The following FGF12 variants were observed in gnomAD, a reference collection of about 807,000 sequenced individuals.
The protein encoded by FGF12 is fibroblast growth factor 12.
In FGF12, 14 loss-of-function variants were observed where a neutral mutation model predicts 23.6. The observed-to-expected ratio is 0.59, with a 90% CI of 0.39 to 0.93. The LOEUF is 0.93. Among genes scored for constraint, FGF12 ranks in the 40% least tolerant of loss-of-function variants. FGF12 has a pLI of 0.00. For synonymous variants in FGF12, 62 were observed against 77.3 expected (o/e 0.80, Z 1.04); for missense variants, 175 against 217.8 (o/e 0.80, Z 1.24).
chr3:192,158,412 T>TC (rs1491329951), intron 5 of FGF12, among the ~76,000 whole-genome samples: 233 of 4,870 alleles, frequency 0.048, 2 homozygotes, highest in African/African-American at 0.25. Flanking sequence ...TTTTTCTTTC[T>TC]TTCTCTTTCT....
intron 2 of FGF12, among the ~76,000 whole-genome samples, chr3:192,473,782 G>A (rs913718311): frequency 3.3e-5 from 5 of 152,202 alleles, no homozygotes; most frequent in African/African-American, 1.2e-4. Context: ...CAAAAGAACG[G>A]TGAGCAGACA....
At chr3:192,617,599 C>T (rs1463246209) in intron 2 of FGF12, among the ~76,000 whole-genome samples, 2 of 152,116 alleles carry the variant, frequency 1.3e-5, no homozygotes, top group African/African-American at 4.8e-5. Flanking sequence ...CAATCCCTCT[C>T]AAACTTACAT....
At chr3:192,685,344 C>T (rs1275993601) in intron 2 of FGF12, among the ~76,000 whole-genome samples, 1 of 152,206 alleles carries the variant, frequency 6.6e-6, no homozygotes, top group East Asian at 1.9e-4. Flanking sequence ...AGCCACTGTG[C>T]CTGGCCTACA....
At chr3:192,643,130 A>C (rs1715867543) in intron 2 of FGF12, among the ~76,000 whole-genome samples, 1 of 152,216 alleles carries the variant, frequency 6.6e-6, no homozygotes, top group Non-Finnish European at 1.5e-5. Context: ...CTTGGAGTTA[A>C]AATATCAGAG....
Position 192,524,059 on chromosome 3 carries a change from G to GA in FGF12, c.14-163522dup, listed in dbSNP as rs59548365. The stretch of plus-strand genomic sequence containing the variant: ...TATTTTCTAACTCCATCCTTTAACA[G>GA]AAAAAAAAAATACAAAAAAGGGACA... On this transcript the variant is annotated intron_variant, in intron 2 of 5. Transcript: ENST00000445105. Among the ~76,000 whole-genome samples, 301 of 148,578 alleles carry GA rather than the reference G, an allele frequency of 2.0e-3. 2 individuals are homozygous for GA. In the East Asian group the frequency reaches 0.027, roughly 13 times the overall value.
intron 5 of FGF12, among the ~76,000 whole-genome samples, chr3:192,169,336 A>T (rs1224800106): frequency 2.0e-5 from 3 of 152,114 alleles, no homozygotes; most frequent in Non-Finnish European, 4.4e-5. Context: ...GCAAGACTCC[A>T]TCTCAAATAA....
intron 2 of FGF12, among the ~76,000 whole-genome samples, chr3:192,532,430 C>T (rs1370320030): frequency 6.6e-6 from 1 of 152,104 alleles, no homozygotes. Flanking sequence ...TTTCTTTCAG[C>T]ATTGTTTTGT....
At chr3:192,680,016 C>T (rs571738822) in intron 2 of FGF12, among the ~76,000 whole-genome samples, 37 of 152,282 alleles carry the variant, frequency 2.4e-4, no homozygotes, top group African/African-American at 8.9e-4. Flanking sequence ...TTTTATCTGG[C>T]TCCCATGTTG....
At chr3:192,545,614 G>C (rs1434268235) in intron 2 of FGF12, among the ~76,000 whole-genome samples, 1 of 152,202 alleles carries the variant, frequency 6.6e-6, no homozygotes, top group Non-Finnish European at 1.5e-5. Flanking sequence ...AACTGTAGGT[G>C]CTAGAAAAAG....
intron 4 of FGF12, among the ~76,000 whole-genome samples, chr3:192,322,313 T>C (rs1481059223): frequency 6.6e-6 from 1 of 152,040 alleles, no homozygotes; most frequent in Non-Finnish European, 1.5e-5. Flanking sequence ...TTCAATAAAT[T>C]GAAGGGGGCA....
chr3:192,297,446 T>A (rs1185652142), intron 4 of FGF12, among the ~76,000 whole-genome samples: 1 of 152,204 alleles, frequency 6.6e-6, no homozygotes, highest in Non-Finnish European at 1.5e-5. Flanking sequence ...TAATTGCCAA[T>A]TCACATATCT....
chr3:192,363,678 T>C (rs1718844905), intron 2 of FGF12, among the ~76,000 whole-genome samples: 1 of 152,168 alleles, frequency 6.6e-6, no homozygotes, highest in Non-Finnish European at 1.5e-5. Context: ...TACCAACCTT[T>C]CCAGGTTCAG....
At position 192,160,374 on chromosome 3, in the gene FGF12, C is replaced by T. The variant is rs1714798989; in HGVS notation, c.427+10084G>A. ...TTCTAGTCACATTGGCTTTCTTGCT[C>T]ATTATTAGGCATCCTCGGAGTCTAT... On this transcript the variant is annotated intron_variant, in intron 5 of 5. Coordinates refer to ENST00000445105, the MANE Select transcript of FGF12 (RefSeq NM_004113.6). Among the ~76,000 whole-genome samples, 5 of 152,262 alleles carry T rather than the reference C, an allele frequency of 3.3e-5. No individual in the cohort carries two copies. The South Asian group carries it at 1.0e-3, about 32-fold the overall frequency.
chr3:192,605,269 C>T (rs1012550399), intron 2 of FGF12, among the ~76,000 whole-genome samples: 2 of 151,512 alleles, frequency 1.3e-5, no homozygotes, highest in African/African-American at 4.9e-5. Context: ...CCCAGCTACT[C>T]GGGAGGCTGA....
At chr3:192,712,065 G>A (rs569967282) in intron 2 of FGF12, among the ~76,000 whole-genome samples, 1 of 150,452 alleles carries the variant, frequency 6.6e-6, no homozygotes, top group South Asian at 2.1e-4. Flanking sequence ...AGACAAATAA[G>A]CCTCTTGGAA....
rs112093264 is a variant in FGF12, at chr3:192,476,932, T to C, written c.14-116394A>G. ...TCGGATGATTAAGTTGATATCAGAC[T>C]AGATCCCAAAAGGATATGGCATTCT... On this transcript the variant is annotated intron_variant, in intron 2 of 5. Coordinates refer to ENST00000445105, the MANE Select transcript of FGF12 (RefSeq NM_004113.6). 2.6e-3 allele frequency among the ~76,000 whole-genome samples: 398 copies of C among 152,288 alleles called. 4 individuals are homozygous for C. Among genetic ancestry groups the C allele is most frequent in the African/African-American group, 9.1e-3 (378 of 41,558 alleles).
At position 192,142,264 on chromosome 3, in the gene FGF12, G is replaced by A. The variant is rs1245561507; in HGVS notation, c.*1745C>T. On this transcript the variant is annotated 3_prime_UTR_variant, in exon 6 of 6. Transcript: ENST00000445105. ...CTGGTGAAGGATATGGTCCACTATT[G>A]AAGAATAATGATTGTGTAAAGTGAG... 2 of 152,440 alleles carry A rather than the reference G, an allele frequency of 1.3e-5. No homozygotes were observed. Among genetic ancestry groups the A allele is most frequent in the Admixed American group, 6.6e-5 (1 of 15,260 alleles). 9.4% of individuals were successfully genotyped at this position (152,440 alleles called of 1,614,324 possible). A position where few individuals can be genotyped will look rare whatever the true frequency, so the allele number is the denominator to read the frequency against.
rs536986237 is a variant in FGF12, at chr3:192,217,844, C to CT, written c.229-47189dup. On this transcript the variant is annotated intron_variant, in intron 4 of 5. Coordinates refer to ENST00000445105, the MANE Select transcript of FGF12 (RefSeq NM_004113.6). Reference sequence around the variant, plus strand: ...TTCTTTTTTTCTTTTCTTTTCTTTTCTTTTTTTTTTAGATGGAATTTCGCT... The same window carrying CT: ...TTCTTTTTTTCTTTTCTTTTCTTTTCTTTTTTTTTTTAGATGGAATTTCGCT... Among the ~76,000 whole-genome samples, 801 of 146,064 alleles carry CT rather than the reference C, an allele frequency of 5.5e-3. 6 individuals are homozygous for CT. The highest frequency in any genetic ancestry group is 0.017 in the Middle Eastern group (5 of 286).
intron 2 of FGF12, among the ~76,000 whole-genome samples, chr3:192,579,694 C>T (rs1025338016): frequency 2.6e-5 from 4 of 152,148 alleles, no homozygotes; most frequent in Non-Finnish European, 4.4e-5. Context: ...CTCAGCCTCC[C>T]GAGTAGCTGG....
Sources: allele counts gnomAD v4.1 joint callset (sites outside exome capture counted in the v4.1 genomes callset), GRCh38; gene constraint gnomAD v4.1.1; transcripts MANE v1.5; gene names NCBI Gene and HGNC (gene_info 2026-07-23, HGNC 2026-07-21).